KNTC1: variants seen among roughly 807,000 people sequenced by gnomAD.
The protein encoded by KNTC1 is kinetochore-associated protein 1.
KNTC1 carries 253 observed loss-of-function variants against 314.4 expected under a neutral mutation model. The ratio of observed to expected loss-of-function variants is 0.80; its 90% CI spans 0.73 to 0.89. The LOEUF (loss-of-function observed/expected upper bound fraction) is 0.89. Among genes scored for constraint, KNTC1 ranks in the 40% least tolerant of loss-of-function variants. The pLI is 0.00. For missense variants in KNTC1, 2,475 were observed against 2,572.9 expected (o/e 0.96, Z 0.82); for synonymous variants, 901 against 901.4 (o/e 1.00, Z 0.01).
chr12:122,623,325 G>A (rs965879340), intron 62 of KNTC1, among the ~76,000 whole-genome samples: 43 of 152,148 alleles, frequency 2.8e-4, no homozygotes, highest in Non-Finnish European at 2.1e-4. Flanking sequence ...GAAACTGAAC[G>A]GGAGAAGGAA....
At chr12:122,605,493 C>A in intron 51 of KNTC1, 78 bp downstream of exon 51, 1 of 689,844 alleles carries the variant, frequency 1.4e-6, no homozygotes, top group South Asian at 1.8e-5. Context: ...ATATTTATCC[C>A]ACATGATACA....
chr12:122,621,800 G>C, intron 60 of KNTC1, 81 bp from the exon 61 acceptor site: 1 of 892,478 alleles, frequency 1.1e-6, no homozygotes, highest in Non-Finnish European at 1.8e-6. Context: ...ACTTAGAAGA[G>C]CAAAATACCT....
In KNTC1 at chr12:122,575,793, C is replaced by T; in HGVS notation, c.2487-7C>T. The T allele has an allele frequency of 6.2e-7, 1 of 1,609,012 alleles. No individual in the cohort carries two copies. Among genetic ancestry groups the T allele is most frequent in the African/African-American group, 1.3e-5 (1 of 74,788 alleles). On this transcript the variant is annotated splice_polypyrimidine_tract_variant and splice_region_variant and intron_variant, in intron 28 of 63. Coordinates refer to ENST00000333479, the MANE Select transcript of KNTC1 (RefSeq NM_014708.6). Reference sequence around the variant, plus strand: ...ATCCATGTTAATATGGGTAAATTTGCTTTCAGAGTCAAGTTATTACAGGAA... The same window carrying T: ...ATCCATGTTAATATGGGTAAATTTGTTTTCAGAGTCAAGTTATTACAGGAA...
intron 44 of KNTC1, among the ~76,000 whole-genome samples, chr12:122,600,298 C>A (rs761967025): frequency 5.7e-4 from 86 of 152,128 alleles, no homozygotes; most frequent in Non-Finnish European, 1.1e-3. Flanking sequence ...AAGATTTCGC[C>A]ATGTTGGCCA....
At chr12:122,571,463 A>T (rs1156789080) in intron 24 of KNTC1, among the ~76,000 whole-genome samples, 2 of 151,912 alleles carry the variant, frequency 1.3e-5, no homozygotes, top group Non-Finnish European at 2.9e-5. Flanking sequence ...GGCTCAAGTG[A>T]TCCTCCCACC....
intron 12 of KNTC1, among the ~76,000 whole-genome samples, chr12:122,548,278 G>A (rs528268208): frequency 2.6e-5 from 4 of 151,936 alleles, no homozygotes; most frequent in Admixed American, 6.6e-5. Context: ...GCACAATCTC[G>A]GCTCACTGCA....
chr12:122,624,077 GA>G (rs1874736957), intron 62 of KNTC1, among the ~76,000 whole-genome samples: 1 of 151,112 alleles, frequency 6.6e-6, no homozygotes, highest in South Asian at 2.1e-4. Flanking sequence ...TCACAAAAAA[GA>G]AAAAAAAGAA....
chr12:122,595,835 AATT>A (rs1165703969), intron 43 of KNTC1, among the ~76,000 whole-genome samples: 1 of 152,208 alleles, frequency 6.6e-6, no homozygotes, highest in African/African-American at 2.4e-5. Context: ...TTCATTTCAT[AATT>A]ATTCTACTTA....
intron 18 of KNTC1, 98 bp downstream of exon 18, chr12:122,557,787 G>A (rs1226346904): frequency 8.8e-6 from 7 of 792,904 alleles, no homozygotes; most frequent in South Asian, 5.1e-5. Flanking sequence ...CCTCCTATCC[G>A]CTATGTGTAT....
intron 20 of KNTC1, among the ~76,000 whole-genome samples, chr12:122,564,387 T>C (rs1288484711): frequency 6.6e-6 from 1 of 152,172 alleles, no homozygotes; most frequent in Non-Finnish European, 1.5e-5. Context: ...TCTTAGTCAT[T>C]GCTATAATTA....
chr12:122,565,524 T>A (rs1195568762), intron 20 of KNTC1, among the ~76,000 whole-genome samples: 1 of 151,978 alleles, frequency 6.6e-6, no homozygotes, highest in Non-Finnish European at 1.5e-5. Flanking sequence ...TATTTTTTTT[T>A]TTTACAAAAA....
rs1331734117 is a variant in KNTC1 at position 122,573,008 on chromosome 12, G to A, written c.2091G>A (p.Thr697=). ...TLVNNLRELI[T]LHRKYNCKLA... ...TAAATAACTTGCGAGAGTTGATCACGTTGCATAGGAAGTACAACTGCAAAT... is the reference window on the plus strand; with the variant it reads ...TAAATAACTTGCGAGAGTTGATCACATTGCATAGGAAGTACAACTGCAAAT... The change falls in exon 25 of 64, where the codon ACG becomes ACA. Residue 697 remains threonine, a synonymous_variant. Transcript: ENST00000333479. 3.7e-6 allele frequency: 6 copies of A among 1,610,454 alleles called. No individual in the cohort carries two copies. The highest frequency in any genetic ancestry group is 1.1e-5 in the South Asian group (1 of 90,524).
chr12:122,574,225 AT>A (rs1461131645), intron 26 of KNTC1, 56 bp from the exon 27 acceptor site: 3 of 1,022,610 alleles, frequency 2.9e-6, no homozygotes, highest in African/African-American at 1.6e-5. Context: ...TGTATGTGGC[AT>A]TTTTTTAATG....
At chr12:122,610,091 C>A (rs1009074520) in intron 52 of KNTC1, among the ~76,000 whole-genome samples, 1 of 152,202 alleles carries the variant, frequency 6.6e-6, no homozygotes, top group Non-Finnish European at 1.5e-5. Context: ...GAAAGACAAC[C>A]CCAAGAAACG....
chr12:122,592,380 A>G (rs931569436), intron 42 of KNTC1, among the ~76,000 whole-genome samples: 1 of 152,168 alleles, frequency 6.6e-6, no homozygotes, highest in Non-Finnish European at 1.5e-5. Context: ...GCCCAGTCCC[A>G]TGGACCGCCC....
chr12:122,612,077 T>G (rs1395166457), intron 53 of KNTC1, among the ~76,000 whole-genome samples: 1 of 152,000 alleles, frequency 6.6e-6, no homozygotes, highest in Non-Finnish European at 1.5e-5. Flanking sequence ...TTGTGTTTTT[T>G]TTTTTTGAGA....
intron 13 of KNTC1, among the ~76,000 whole-genome samples, chr12:122,550,699 C>T (rs1320219491): frequency 6.6e-6 from 1 of 152,096 alleles, no homozygotes; most frequent in African/African-American, 2.4e-5. Context: ...GAGGTGGTCT[C>T]ACTATGTTTC....
At chr12:122,581,027 C>CA (rs11344365) in intron 33 of KNTC1, among the ~76,000 whole-genome samples, 40 of 117,886 alleles carry the variant, frequency 3.4e-4, no homozygotes, top group South Asian at 5.6e-4. Context: ...GACTCCATCT[C>CA]AAAAAAAAAA....
chr12:122,597,855 C>T lies in KNTC1; in HGVS notation c.4480C>T (p.Leu1494Phe). The stretch of plus-strand genomic sequence containing the variant: ...CTCTGCAAAGCGGCGGCATCCCAAA[C>T]TCCTGGCCAAAGCCCTTGAGATGGT... ...MDSAKRRHPK[L>F]LAKALEMVPL... The change falls in exon 44 of 64, where the codon CTC becomes TTC. Residue 1494 changes from leucine (L) to phenylalanine (F), a missense_variant. Leu to Phe is a conservative substitution (Grantham distance 22, BLOSUM62 0). Transcript: ENST00000333479. 6.2e-7 allele frequency: 1 copy of T among 1,614,056 alleles called. No homozygotes were observed. The highest frequency in any genetic ancestry group is 8.5e-7 in the Non-Finnish European group (1 of 1,179,894).
Sources: gnomAD v4.1 joint callset for allele counts (sites outside exome capture counted in the v4.1 genomes callset) on GRCh38, gnomAD v4.1.1 for gene constraint, MANE v1.5 for transcripts, NCBI Gene and HGNC (gene_info 2026-07-23, HGNC 2026-07-21) for gene names.